COP1: variants seen among roughly 807,000 people sequenced by gnomAD.
The protein encoded by COP1 is COP1 E3 ubiquitin ligase.
Under a neutral mutation model 101.3 loss-of-function variants are expected in COP1, and 24 were observed. The observed-to-expected ratio is 0.24, with a 90% CI of 0.17 to 0.33. The LOEUF is 0.33. COP1 is among the 10% of genes least tolerant of loss of function. COP1 has a pLI of 1.00. For missense variants in COP1, 663 were observed against 906.2 expected, an observed-to-expected ratio of 0.73 and a Z score of 3.45; for synonymous variants, 347 against 341.9, an observed-to-expected ratio of 1.01 and a Z score of -0.17.
chr1:176,171,363 T>A (rs1383322725), intron 3 of COP1, among the ~76,000 whole-genome samples: 1 of 152,172 alleles, frequency 6.6e-6, no homozygotes, highest in Non-Finnish European at 1.5e-5. Flanking sequence ...CTTCCTCACC[T>A]CTCTGAGCCT....
chr1:175,945,186 A>G lies in COP1; in HGVS notation c.2179-16T>C, dbSNP rs1256049837. On this transcript the variant is annotated splice_polypyrimidine_tract_variant and intron_variant, in intron 19 of 19. Coordinates refer to ENST00000367669, the MANE Select transcript of COP1 (RefSeq NM_022457.7). ...ATTCTAGCACCTAATTGGGGGGAAAAAAGGATCCATTTAATAAAATCATTT... is the reference window on the plus strand; with the variant it reads ...ATTCTAGCACCTAATTGGGGGGAAAGAAGGATCCATTTAATAAAATCATTT... The G allele has an allele frequency of 6.5e-6, 10 of 1,548,916 alleles. No individual in the cohort carries two copies. In the African/African-American group the frequency reaches 1.2e-4, roughly 19 times the overall value.
chr1:176,171,978 T>C (rs1696143676), intron 3 of COP1, among the ~76,000 whole-genome samples: 1 of 152,246 alleles, frequency 6.6e-6, no homozygotes, highest in South Asian at 2.1e-4. Context: ...GGTTACATTT[T>C]AAAAAGTGAT....
chr1:176,149,397 C>G lies in COP1; in HGVS notation c.763-323G>C, dbSNP rs181128120. On this transcript the variant is annotated intron_variant, in intron 5 of 19. Transcript: ENST00000367669. ...TTCCCCAACTCAACTAAGAAAACATCAAAACAAAATTTACAGTGAAAGTAA... is the reference window on the plus strand; with the variant it reads ...TTCCCCAACTCAACTAAGAAAACATGAAAACAAAATTTACAGTGAAAGTAA... Among the ~76,000 whole-genome samples, 251 of 152,094 alleles carry G rather than the reference C, an allele frequency of 1.7e-3. 1 individual carries two copies. Among genetic ancestry groups the G allele is most frequent in the African/African-American group, 5.8e-3 (240 of 41,514 alleles).
Position 176,045,099 on chromosome 1 carries a change from A to T in COP1, c.1421+1082T>A, listed in dbSNP as rs367734998. 4.6e-5 allele frequency among the ~76,000 whole-genome samples: 7 copies of T among 152,346 alleles called. No homozygotes were observed. The East Asian group carries it at 9.6e-4, about 21-fold the overall frequency. ...TCAGTCTGAATCCTGGCTCCTCTAT[A>T]TAGCAGGTGTATAATCTTAGGCAGG... On this transcript the variant is annotated intron_variant, in intron 12 of 19. Coordinates refer to ENST00000367669, the MANE Select transcript of COP1 (RefSeq NM_022457.7).
intron 15 of COP1, among the ~76,000 whole-genome samples, chr1:176,006,542 T>G (rs1337846396): frequency 6.6e-6 from 1 of 152,232 alleles, no homozygotes; most frequent in African/African-American, 2.4e-5. Context: ...AGGGCAGGCC[T>G]GGTGGTGACA....
At chr1:176,147,655 C>T (rs1186166532) in intron 6 of COP1, among the ~76,000 whole-genome samples, 1 of 152,126 alleles carries the variant, frequency 6.6e-6, no homozygotes, top group South Asian at 2.1e-4. Flanking sequence ...AAAAGTTCTA[C>T]GGCATGATTC....
intron 11 of COP1, among the ~76,000 whole-genome samples, chr1:176,056,185 TA>T (rs1171577090): frequency 6.6e-6 from 1 of 152,222 alleles, no homozygotes; most frequent in Non-Finnish European, 1.5e-5. Context: ...TTATTTTCTG[TA>T]ATTTGAGATT....
chr1:176,140,897 A>G (rs1690573264), intron 6 of COP1, among the ~76,000 whole-genome samples: 1 of 152,136 alleles, frequency 6.6e-6, no homozygotes, highest in Non-Finnish European at 1.5e-5. Flanking sequence ...AATAGCAAGC[A>G]CTCTCTTAAC....
At chr1:176,133,197 T>C (rs1689207720) in intron 8 of COP1, among the ~76,000 whole-genome samples, 1 of 130,526 alleles carries the variant, frequency 7.7e-6, no homozygotes, top group East Asian at 2.4e-4. Flanking sequence ...CGTACGTATA[T>C]GTACGTATGT....
chr1:176,111,349 A>G (rs758068963), intron 9 of COP1, among the ~76,000 whole-genome samples: 1 of 152,080 alleles, frequency 6.6e-6, no homozygotes, highest in Non-Finnish European at 1.5e-5. Flanking sequence ...GCTGGAGTGC[A>G]ATGGCATGAT....
At chr1:176,159,911 A>G (rs747734434) in intron 5 of COP1, among the ~76,000 whole-genome samples, 2 of 152,206 alleles carry the variant, frequency 1.3e-5, no homozygotes, top group Non-Finnish European at 2.9e-5. Flanking sequence ...CATACGCCAA[A>G]ATCTTCACAT....
intron 9 of COP1, among the ~76,000 whole-genome samples, chr1:176,111,527 T>C (rs1357767013): frequency 4.6e-5 from 7 of 152,140 alleles, no homozygotes; most frequent in African/African-American, 1.7e-4. Context: ...TCTCTTGACC[T>C]TGCGATCCAC....
intron 8 of COP1, among the ~76,000 whole-genome samples, chr1:176,118,143 A>G (rs1263646759): frequency 6.6e-6 from 1 of 152,228 alleles, no homozygotes; most frequent in Non-Finnish European, 1.5e-5. Flanking sequence ...ATCTTATTTG[A>G]GCTCTAGCTT....
intron 11 of COP1, among the ~76,000 whole-genome samples, chr1:176,063,799 T>C (rs1675415566): frequency 6.6e-6 from 1 of 152,198 alleles, no homozygotes; most frequent in Non-Finnish European, 1.5e-5. Context: ...CTGCTATACA[T>C]ACCAGAACTT....
chr1:176,043,861 TAAC>T, intron 12 of COP1, 43 bp from the exon 13 acceptor site: 2 of 1,087,760 alleles, frequency 1.8e-6, no homozygotes. Flanking sequence ...TAAAAATAAA[TAAC>T]AATGGGATAA....
chr1:175,987,153 T>C, intron 17 of COP1, 50 bp from the exon 18 acceptor site: 2 of 1,028,260 alleles, frequency 1.9e-6, no homozygotes, highest in Non-Finnish European at 2.8e-6. Context: ...AACTCGGAAT[T>C]AGGACATCAC....
intron 15 of COP1, among the ~76,000 whole-genome samples, chr1:176,003,356 T>C (rs1328041512): frequency 6.6e-6 from 1 of 151,372 alleles, no homozygotes; most frequent in Non-Finnish European, 1.5e-5. Flanking sequence ...TTAGTTTAAT[T>C]AGATCCCATT....
intron 11 of COP1, among the ~76,000 whole-genome samples, chr1:176,058,699 T>C (rs1368373637): frequency 1.3e-5 from 2 of 151,200 alleles, no homozygotes; most frequent in Admixed American, 6.6e-5. Flanking sequence ...CCCTCCACTA[T>C]TGTCCTATGA....
At chr1:175,991,656 T>C (rs1194231898) in intron 15 of COP1, among the ~76,000 whole-genome samples, 2 of 152,210 alleles carry the variant, frequency 1.3e-5, no homozygotes, top group East Asian at 1.9e-4. Context: ...AACACATACA[T>C]TGTACAGCTG....
Sources: gnomAD v4.1 joint callset for allele counts (sites outside exome capture counted in the v4.1 genomes callset) on GRCh38, gnomAD v4.1.1 for gene constraint, MANE v1.5 for transcripts, NCBI Gene and HGNC (gene_info 2026-07-23, HGNC 2026-07-21) for gene names.